Variants in TMEM135 observed in about 807,000 individuals in gnomAD.
The protein encoded by TMEM135 is peroxisomal membrane protein 52.
A neutral mutation model predicts 60.3 loss-of-function variants in TMEM135; 30 were observed. The ratio of observed to expected loss-of-function variants is 0.50; its 90% CI spans 0.37 to 0.68. The LOEUF (loss-of-function observed/expected upper bound fraction) is 0.68. Among genes scored for constraint, TMEM135 ranks in the 30% least tolerant of loss-of-function variants. TMEM135 has a pLI of 0.00. For missense variants in TMEM135, 468 were observed against 548.8 expected (o/e 0.85, Z 1.47); for synonymous variants, 190 against 186.7 (o/e 1.02, Z -0.14).
At chr11:87,312,553 C>G (rs1203486259) in intron 10 of TMEM135, among the ~76,000 whole-genome samples, 2 of 151,868 alleles carry the variant, frequency 1.3e-5, no homozygotes, top group South Asian at 2.1e-4. Flanking sequence ...CATATGGTCT[C>G]TGTCATAACT....
intron 1 of TMEM135, among the ~76,000 whole-genome samples, chr11:87,059,162 C>T (rs1949922138): frequency 6.6e-6 from 1 of 151,982 alleles, no homozygotes. Flanking sequence ...GTCTTGAACT[C>T]CTGACCTCAG....
intron 6 of TMEM135, among the ~76,000 whole-genome samples, chr11:87,260,054 A>C (rs118137682): frequency 6.6e-6 from 1 of 152,186 alleles, no homozygotes; most frequent in African/African-American, 2.4e-5. Context: ...AGCTGCTCTC[A>C]AATGCTTTCT....
chr11:87,299,842 T>C (rs889362935), intron 7 of TMEM135, among the ~76,000 whole-genome samples: 3 of 152,120 alleles, frequency 2.0e-5, no homozygotes, highest in Non-Finnish European at 4.4e-5. Flanking sequence ...AGCAGGAAAT[T>C]TGCACAAAAT....
intron 4 of TMEM135, among the ~76,000 whole-genome samples, chr11:87,106,852 G>A (rs1857609850): frequency 6.6e-6 from 1 of 152,176 alleles, no homozygotes; most frequent in Non-Finnish European, 1.5e-5. Flanking sequence ...AGGCTGTACA[G>A]GAAGCATAGT....
intron 6 of TMEM135, among the ~76,000 whole-genome samples, chr11:87,238,944 G>T (rs994731790): frequency 1.3e-5 from 2 of 152,052 alleles, no homozygotes; most frequent in East Asian, 1.9e-4. Flanking sequence ...TGTGATTAAC[G>T]TGTAGCATTT....
chr11:87,056,369 A>G (rs1479160624), intron 1 of TMEM135, among the ~76,000 whole-genome samples: 2 of 152,108 alleles, frequency 1.3e-5, no homozygotes, highest in Non-Finnish European at 2.9e-5. Context: ...CTGCCTCCCA[A>G]AGAGCTGGGA....
At chr11:87,207,119 C>T (rs1940252715) in intron 5 of TMEM135, among the ~76,000 whole-genome samples, 1 of 151,980 alleles carries the variant, frequency 6.6e-6, no homozygotes, top group South Asian at 2.1e-4. Context: ...GAACAGAATG[C>T]TAGGAGAATA....
chr11:87,257,044 A>G (rs1002606094), intron 6 of TMEM135, among the ~76,000 whole-genome samples: 2 of 152,196 alleles, frequency 1.3e-5, no homozygotes, highest in African/African-American at 4.8e-5. Flanking sequence ...ATGGATTCTT[A>G]TACTAATCTT....
intron 6 of TMEM135, among the ~76,000 whole-genome samples, chr11:87,257,576 T>C (rs554824977): frequency 3.3e-4 from 51 of 152,326 alleles, no homozygotes; most frequent in African/African-American, 1.2e-3. Context: ...ATCTACTGCA[T>C]AGTAAGCACT....
intron 5 of TMEM135, among the ~76,000 whole-genome samples, chr11:87,173,538 C>T (rs962869364): frequency 1.3e-5 from 2 of 152,146 alleles, no homozygotes; most frequent in Admixed American, 1.3e-4. Flanking sequence ...CAAGCTCATG[C>T]ATTGCTTTTG....
intron 10 of TMEM135, 115 bp from the exon 11 acceptor site, chr11:87,313,310 C>G: frequency 1.3e-6 from 1 of 782,848 alleles, no homozygotes; most frequent in Non-Finnish European, 2.2e-6. Flanking sequence ...TAGATGAGAT[C>G]ACTAATTGGC....
chr11:87,139,114 TA>T (rs1220987167), intron 4 of TMEM135, among the ~76,000 whole-genome samples: 12 of 152,204 alleles, frequency 7.9e-5, no homozygotes. Context: ...GAATTTAAGA[TA>T]AAATCTATCT....
At chr11:87,089,785 A>G (rs1490511068) in intron 3 of TMEM135, among the ~76,000 whole-genome samples, 1 of 152,146 alleles carries the variant, frequency 6.6e-6, no homozygotes. Flanking sequence ...GTATTAGAGT[A>G]TTTTTGATTT....
chr11:87,145,617 C>T (rs977106301), intron 4 of TMEM135, among the ~76,000 whole-genome samples: 2 of 151,818 alleles, frequency 1.3e-5, no homozygotes, highest in African/African-American at 4.8e-5. Flanking sequence ...TGATGAAAGC[C>T]ATTCTGACAG....
rs12574813 is a variant in TMEM135, at chr11:87,129,015, G to T, written c.397-28326G>T. Among the ~76,000 whole-genome samples the T allele has an allele frequency of 7.6e-3, 1,071 of 140,476 alleles. 3 individuals are homozygous for T. Among genetic ancestry groups the T allele is most frequent in the Non-Finnish European group, 0.012 (744 of 64,180 alleles). 92.2% of individuals were successfully genotyped at this position (140,476 alleles called of 152,430 possible). ...AAGCAGGTTTAAGGTTTTTTTTTTT[G>T]TTTTTTTTTTAACCTAGAGTTATAG... On this transcript the variant is annotated intron_variant, in intron 4 of 14. Coordinates refer to ENST00000305494, the MANE Select transcript of TMEM135 (RefSeq NM_022918.4).
At chr11:87,272,581 C>G (rs1227081322) in intron 6 of TMEM135, among the ~76,000 whole-genome samples, 1 of 152,114 alleles carries the variant, frequency 6.6e-6, no homozygotes, top group South Asian at 2.1e-4. Flanking sequence ...CCACCTCAGT[C>G]TCCTGAGTAG....
chr11:87,196,719 T>G (rs1446760113), intron 5 of TMEM135, among the ~76,000 whole-genome samples: 1 of 152,138 alleles, frequency 6.6e-6, no homozygotes, highest in East Asian at 1.9e-4. Flanking sequence ...ATTTCCTGAC[T>G]TTCTGATAAG....
chr11:87,221,192 A>ATT (rs1463079895), intron 5 of TMEM135, among the ~76,000 whole-genome samples: 3 of 152,308 alleles, frequency 2.0e-5, no homozygotes, highest in African/African-American at 7.2e-5. Flanking sequence ...TGTGAACATA[A>ATT]TTGAGGGGCT....
At chr11:87,102,730 A>ATATATATG (rs1565441810) in intron 4 of TMEM135, among the ~76,000 whole-genome samples, 6 of 109,740 alleles carry the variant, frequency 5.5e-5, no homozygotes, top group African/African-American at 1.1e-4. Context: ...ATATATATGT[A>ATATATATG]TATATATATG....
Sources: allele counts gnomAD v4.1 joint callset (sites outside exome capture counted in the v4.1 genomes callset), GRCh38; gene constraint gnomAD v4.1.1; transcripts MANE v1.5; gene names NCBI Gene and HGNC (gene_info 2026-07-23, HGNC 2026-07-21).